CBFA2T2: variants seen among roughly 807,000 people sequenced by gnomAD.
CBFA2T2 encodes the protein protein CBFA2T2.
CBFA2T2 carries 11 observed loss-of-function variants against 62.2 expected under a neutral mutation model. The observed-to-expected ratio is 0.18, with a 90% CI of 0.11 to 0.29. The LOEUF (loss-of-function observed/expected upper bound fraction) is 0.29, where lower values mean the gene tolerates loss of function less well. Among genes scored for constraint, CBFA2T2 ranks in the 10% least tolerant of loss-of-function variants. The pLI is 1.00. For synonymous variants in CBFA2T2, 295 were observed against 287.5 expected, an observed-to-expected ratio of 1.03 and a Z score of -0.27; for missense variants, 592 against 774.1, an observed-to-expected ratio of 0.76 and a Z score of 2.79.
intron 1 of CBFA2T2, among the ~76,000 whole-genome samples, chr20:33,531,393 TCA>T (rs1026248770): frequency 6.6e-6 from 1 of 152,220 alleles, no homozygotes; most frequent in African/African-American, 2.4e-5. Context: ...AGAATCCTAC[TCA>T]CACTGCTGCT....
In CBFA2T2 at chr20:33,629,922, G is replaced by A; in HGVS notation, c.1228+8G>A. On this transcript the variant is annotated splice_region_variant and intron_variant, in intron 8 of 10. Transcript: ENST00000342704. ...CAGATTCTCTCAGCAATGGTAAGGGGAGAGTCTACGGGAAACCCAAAATAA... is the reference window on the plus strand; with the variant it reads ...CAGATTCTCTCAGCAATGGTAAGGGAAGAGTCTACGGGAAACCCAAAATAA... 1.2e-6 allele frequency: 2 copies of A among 1,605,592 alleles called. No individual in the cohort carries two copies. Among genetic ancestry groups the A allele is most frequent in the Non-Finnish European group, 1.7e-6 (2 of 1,176,742 alleles).
intron 4 of CBFA2T2, among the ~76,000 whole-genome samples, chr20:33,622,041 CAT>C (rs2016012125): frequency 6.6e-6 from 1 of 152,158 alleles, no homozygotes; most frequent in Admixed American, 6.5e-5. Context: ...TCATGGGACA[CAT>C]GTCAGCCGTG....
intron 3 of CBFA2T2, among the ~76,000 whole-genome samples, chr20:33,617,001 G>A (rs1217086776): frequency 3.3e-5 from 5 of 152,126 alleles, no homozygotes; most frequent in Non-Finnish European, 5.9e-5. Flanking sequence ...GGCCCAGGCC[G>A]ACTTGAGGCC....
At chr20:33,547,662 C>T (rs1039559163) in intron 1 of CBFA2T2, among the ~76,000 whole-genome samples, 8 of 148,534 alleles carry the variant, frequency 5.4e-5, no homozygotes, top group Admixed American at 4.0e-4. Context: ...GCTTGGGCAA[C>T]AGAGCGAGAC....
chr20:33,644,499 C>T lies in CBFA2T2; in HGVS notation c.1641C>T (p.Gly547=). 1 of 1,614,118 alleles carries T rather than the reference C, an allele frequency of 6.2e-7. No homozygotes were observed. The highest frequency in any genetic ancestry group is 8.5e-7 in the Non-Finnish European group (1 of 1,180,034). ...NLHGQSPHGQ[G]RPLLPVGRGS... is the part of the protein sequence containing the mutation. Reference sequence around the variant, plus strand: ...ATGGCCAGAGCCCCCACGGCCAGGGCCGGCCGCTGCTTCCTGTAGGCAGGG... The same window carrying T: ...ATGGCCAGAGCCCCCACGGCCAGGGTCGGCCGCTGCTTCCTGTAGGCAGGG... The change falls in exon 11 of 11, where the codon GGC becomes GGT. Residue 547 remains glycine, a synonymous_variant. Coordinates refer to ENST00000342704, the MANE Select transcript of CBFA2T2 (RefSeq NM_001032999.3).
chr20:33,517,541 A>C (rs1291945534), intron 1 of CBFA2T2, among the ~76,000 whole-genome samples: 1 of 150,126 alleles, frequency 6.7e-6, no homozygotes, highest in African/African-American at 2.5e-5. Context: ...TCTCCGGCTC[A>C]ATCACTCAAG....
At chr20:33,582,717 G>A (rs917193422) in intron 1 of CBFA2T2, among the ~76,000 whole-genome samples, 3 of 151,782 alleles carry the variant, frequency 2.0e-5, no homozygotes, top group East Asian at 3.9e-4. Context: ...CAAGGCAGGC[G>A]GATCACTTGA....
intron 7 of CBFA2T2, 62 bp from the exon 8 acceptor site, chr20:33,629,657 T>G: frequency 6.9e-7 from 1 of 1,457,342 alleles, no homozygotes; most frequent in Non-Finnish European, 9.4e-7. Context: ...TTGGCCTGAT[T>G]TACAGTGTTG....
chr20:33,520,027 C>T (rs6059362), intron 1 of CBFA2T2, among the ~76,000 whole-genome samples: 134,769 of 152,018 alleles, frequency 0.89, 61,445 homozygotes, highest in Non-Finnish European at 1. Context: ...CGTGCCTAAT[C>T]CCAGCTACTC....
At chr20:33,514,944 G>C (rs1335121159) in intron 1 of CBFA2T2, among the ~76,000 whole-genome samples, 2 of 151,672 alleles carry the variant, frequency 1.3e-5, no homozygotes, top group Admixed American at 1.3e-4. Flanking sequence ...CGCCCGCCTT[G>C]GCCTCCCAAA....
chr20:33,495,441 A>C (rs2011190125), intron 1 of CBFA2T2, among the ~76,000 whole-genome samples: 1 of 149,470 alleles, frequency 6.7e-6, no homozygotes, highest in Non-Finnish European at 1.5e-5. Flanking sequence ...TAATCCCAGC[A>C]CTTTGGGAGG....
chr20:33,556,102 A>G (rs1410907471), intron 1 of CBFA2T2, among the ~76,000 whole-genome samples: 1 of 152,190 alleles, frequency 6.6e-6, no homozygotes, highest in African/African-American at 2.4e-5. Context: ...CCTTACCTTA[A>G]GTAAGCCACC....
intron 1 of CBFA2T2, among the ~76,000 whole-genome samples, chr20:33,528,229 T>G (rs374809675): frequency 1.3e-5 from 2 of 152,196 alleles, no homozygotes; most frequent in South Asian, 4.1e-4. Flanking sequence ...GACTGTGATA[T>G]GTATAAGACA....
In CBFA2T2 at chr20:33,644,545, G is replaced by A. The variant is rs748392166; in HGVS notation, c.1687G>A (p.Asp563Asn). 1.3e-5 allele frequency: 21 copies of A among 1,613,982 alleles called. No homozygotes were observed. Among genetic ancestry groups the A allele is most frequent in the South Asian group, 9.9e-5 (9 of 91,066 alleles). The change falls in exon 11 of 11, where the codon GAC (aspartate) becomes AAC (asparagine). Residue 563 changes from aspartate to asparagine, a missense_variant. By Grantham distance (23) the Asp-to-Asn change is conservative. This residue lies in a region of CBFA2T2 where 85 missense variants were observed against 99.0 expected (regional missense o/e 0.86). Transcript: ENST00000342704. ...CAGGGGCTCCTCTGCCAGGTCCGCC[G>A]ACTGCAGCGTGCCCAGCCCAGCCCT... ...VGRGSSARSA[D>N]CSVPSPALDK...
chr20:33,554,255 C>CTTT (rs760696196), intron 1 of CBFA2T2, among the ~76,000 whole-genome samples: 1 of 131,978 alleles, frequency 7.6e-6, no homozygotes, highest in Non-Finnish European at 1.7e-5. Context: ...TTACTTTTTT[C>CTTT]TTTTTTTTTT....
chr20:33,493,524 G>T (rs950140840), intron 1 of CBFA2T2, among the ~76,000 whole-genome samples: 6 of 152,148 alleles, frequency 3.9e-5, no homozygotes, highest in Non-Finnish European at 8.8e-5. Flanking sequence ...TTAAAACTGA[G>T]GTGGGGTCTT....
intron 1 of CBFA2T2, among the ~76,000 whole-genome samples, chr20:33,552,696 C>T (rs2012771536): frequency 6.6e-6 from 1 of 152,110 alleles, no homozygotes; most frequent in African/African-American, 2.4e-5. Flanking sequence ...GACAAATGGG[C>T]TTATGCTGTC....
rs1213567422 is a variant in CBFA2T2 at position 33,644,568 on chromosome 20, C to A, written c.1710C>A (p.Ala570=). ...RSADCSVPSP[A]LDKTSATTSR... ...CCGACTGCAGCGTGCCCAGCCCAGC[C>A]CTCGACAAGACCTCGGCAACCACAT... The change falls in exon 11 of 11, where the codon GCC becomes GCA. Residue 570 remains alanine (A), a synonymous_variant. Transcript: ENST00000342704. 2 of 1,613,660 alleles carry A rather than the reference C, an allele frequency of 1.2e-6. No individual in the cohort carries two copies. Among genetic ancestry groups the A allele is most frequent in the Non-Finnish European group, 1.7e-6 (2 of 1,179,614 alleles).
chr20:33,640,060 G>A (rs1022683199), intron 9 of CBFA2T2, among the ~76,000 whole-genome samples: 2 of 152,120 alleles, frequency 1.3e-5, no homozygotes, highest in African/African-American at 2.4e-5. Flanking sequence ...TGACATACAC[G>A]ATGGCACCTG....
Sources: gnomAD v4.1 joint callset for allele counts (sites outside exome capture counted in the v4.1 genomes callset) on GRCh38, gnomAD v4.1.1 for gene constraint, gnomAD v4.1.1 regional missense constraint, MANE v1.5 for transcripts, NCBI Gene and HGNC (gene_info 2026-07-23, HGNC 2026-07-21) for gene names.